FAM227B: variants seen among roughly 807,000 people sequenced by gnomAD.
FAM227B encodes the protein protein FAM227B.
Under a neutral mutation model 73.8 loss-of-function variants are expected in FAM227B, and 88 were observed. The ratio of observed to expected loss-of-function variants is 1.19; its 90% CI spans 1.00 to 1.42. The LOEUF (loss-of-function observed/expected upper bound fraction) is 1.42. Among genes scored for constraint, FAM227B ranks in the 40% most tolerant of loss-of-function variants. The pLI, the probability that FAM227B is intolerant of heterozygous loss-of-function variation, is 0.00. For missense variants in FAM227B, 632 were observed against 590.9 expected, an observed-to-expected ratio of 1.07 and a Z score of -0.72; for synonymous variants, 210 against 190.5, an observed-to-expected ratio of 1.10 and a Z score of -0.84.
chr15:49,563,386 A>G (rs1478298354), intron 9 of FAM227B, among the ~76,000 whole-genome samples: 1 of 152,174 alleles, frequency 6.6e-6, no homozygotes, highest in South Asian at 2.1e-4. Flanking sequence ...GGAATGGAAG[A>G]ATCAACATTG....
chr15:49,616,915 T>A (rs1393480168), intron 1 of FAM227B, among the ~76,000 whole-genome samples: 1 of 152,248 alleles, frequency 6.6e-6, no homozygotes, highest in East Asian at 1.9e-4. Flanking sequence ...TTCTTTATCT[T>A]GGTCAGTCTA....
chr15:49,465,431 C>T (rs1300941808), intron 11 of FAM227B, among the ~76,000 whole-genome samples: 3 of 151,894 alleles, frequency 2.0e-5, no homozygotes, highest in Non-Finnish European at 4.4e-5. Flanking sequence ...CCACCATGCC[C>T]GGCCTACTTC....
chr15:49,437,789 C>G (rs1277724840), intron 11 of FAM227B, among the ~76,000 whole-genome samples: 6 of 151,586 alleles, frequency 4.0e-5, no homozygotes, highest in Non-Finnish European at 7.4e-5. Context: ...AAAAATTCAG[C>G]CTATGTGTGG....
At chr15:49,562,038 A>G (rs2074304472) in intron 9 of FAM227B, among the ~76,000 whole-genome samples, 1 of 152,054 alleles carries the variant, frequency 6.6e-6, no homozygotes, top group African/African-American at 2.4e-5. Flanking sequence ...GAAATCCATA[A>G]AAAGGATCAT....
intron 11 of FAM227B, among the ~76,000 whole-genome samples, chr15:49,379,805 G>A (rs542582768): frequency 6.6e-6 from 1 of 152,216 alleles, no homozygotes; most frequent in African/African-American, 2.4e-5. Flanking sequence ...TACCACTGTG[G>A]CCACCACCAC....
intron 11 of FAM227B, among the ~76,000 whole-genome samples, chr15:49,403,330 CA>C (rs2048301913): frequency 6.6e-6 from 1 of 152,160 alleles, no homozygotes; most frequent in African/African-American, 2.4e-5. Flanking sequence ...GGAATAGTTT[CA>C]GTAGAAATGG....
At chr15:49,383,838 C>G (rs1262198065) in intron 11 of FAM227B, among the ~76,000 whole-genome samples, 1 of 151,960 alleles carries the variant, frequency 6.6e-6, no homozygotes, top group Non-Finnish European at 1.5e-5. Context: ...AGATAATGTG[C>G]CAGGTTGTTG....
At chr15:49,436,743 AG>A (rs1301758535) in intron 11 of FAM227B, among the ~76,000 whole-genome samples, 1 of 151,582 alleles carries the variant, frequency 6.6e-6, no homozygotes, top group Non-Finnish European at 1.5e-5. Flanking sequence ...GAATGCAAGT[AG>A]GTTTAACTCC....
intron 10 of FAM227B, among the ~76,000 whole-genome samples, chr15:49,508,863 T>C (rs1039966296): frequency 2.0e-5 from 3 of 152,088 alleles, no homozygotes; most frequent in Non-Finnish European, 2.9e-5. Flanking sequence ...AATAGAAAAA[T>C]TGAAGTATAG....
chr15:49,584,376 C>T (rs1761723620), intron 5 of FAM227B, among the ~76,000 whole-genome samples: 1 of 152,118 alleles, frequency 6.6e-6, no homozygotes, highest in African/African-American at 2.4e-5. Flanking sequence ...AAAATAATAA[C>T]AGCCAACTAT....
rs182287355 is a variant in FAM227B at position 49,573,539 on chromosome 15, C to T, written c.645+1472G>A. Reference sequence around the variant, plus strand: ...ACATTACCCTCATGAACAGATTATGCCATTATCACAGAAGTGGGTTTGTTA... The same window carrying T: ...ACATTACCCTCATGAACAGATTATGTCATTATCACAGAAGTGGGTTTGTTA... On this transcript the variant is annotated intron_variant, in intron 8 of 15. Transcript: ENST00000299338. 4.6e-5 allele frequency among the ~76,000 whole-genome samples: 7 copies of T among 152,200 alleles called. No individual in the cohort carries two copies. In the East Asian group the frequency reaches 1.2e-3, roughly 25 times the overall value.
intron 2 of FAM227B, among the ~76,000 whole-genome samples, chr15:49,614,076 G>A (rs2078130944): frequency 1.3e-5 from 2 of 152,072 alleles, no homozygotes; most frequent in Admixed American, 6.5e-5. Flanking sequence ...TGTAATGGCT[G>A]TCAAACCACT....
intron 11 of FAM227B, among the ~76,000 whole-genome samples, chr15:49,439,614 T>C (rs901413545): frequency 6.6e-6 from 1 of 151,736 alleles, no homozygotes; most frequent in African/African-American, 2.4e-5. Context: ...AGCAATAAGT[T>C]TGTGGAATAA....
intron 11 of FAM227B, among the ~76,000 whole-genome samples, chr15:49,389,557 T>G (rs2047078927): frequency 6.6e-6 from 1 of 151,752 alleles, no homozygotes; most frequent in Admixed American, 6.6e-5. Context: ...GGGTGATGGG[T>G]GCACTAAAAT....
At chr15:49,615,372 T>C in intron 1 of FAM227B, 129 bp from the exon 2 acceptor site, 1 of 587,840 alleles carries the variant, frequency 1.7e-6, no homozygotes, top group Non-Finnish European at 3.1e-6. Flanking sequence ...TCCACTCAAA[T>C]CTCATGTTGA....
At chr15:49,573,664 A>G (rs59589271) in intron 8 of FAM227B, among the ~76,000 whole-genome samples, 10,495 of 152,244 alleles carry the variant, frequency 0.069, 426 homozygotes, top group East Asian at 0.13. Flanking sequence ...CGGTCCCTCT[A>G]TCTTGGACTT....
At chr15:49,543,218 G>A (rs1056615366) in intron 9 of FAM227B, among the ~76,000 whole-genome samples, 6 of 152,066 alleles carry the variant, frequency 3.9e-5, no homozygotes, top group African/African-American at 1.4e-4. Flanking sequence ...GAGTAAAATG[G>A]TATCATATTG....
intron 5 of FAM227B, among the ~76,000 whole-genome samples, chr15:49,587,620 C>T (rs1296039827): frequency 6.6e-6 from 1 of 152,060 alleles, no homozygotes; most frequent in Admixed American, 6.6e-5. Flanking sequence ...TAATTCAAAA[C>T]ACTTGCCATT....
chr15:49,465,425 C>T (rs1454759971), intron 11 of FAM227B, among the ~76,000 whole-genome samples: 2 of 151,952 alleles, frequency 1.3e-5, no homozygotes, highest in Non-Finnish European at 2.9e-5. Flanking sequence ...CGTGAGCCAC[C>T]ATGCCCGGCC....
Sources: gnomAD v4.1 joint callset for allele counts (sites outside exome capture counted in the v4.1 genomes callset) on GRCh38, gnomAD v4.1.1 for gene constraint, MANE v1.5 for transcripts, NCBI Gene and HGNC (gene_info 2026-07-23, HGNC 2026-07-21) for gene names.